GFRA1: variants seen among roughly 807,000 people sequenced by gnomAD.
GFRA1 encodes the protein GDNF family receptor alpha 1, also known as GDNF family receptor alpha-1.
Under a neutral mutation model 51.6 loss-of-function variants are expected in GFRA1, and 16 were observed. That is an observed-to-expected ratio of 0.31 (90% confidence interval 0.21 to 0.47). GFRA1 has a LOEUF of 0.47. GFRA1 is among the 20% of genes least tolerant of loss of function. The pLI is 1.00. For missense variants in GFRA1, 530 were observed against 594.3 expected, an observed-to-expected ratio of 0.89 and a Z score of 1.13; for synonymous variants, 270 against 241.3, an observed-to-expected ratio of 1.12 and a Z score of -1.10.
Position 116,165,665 on chromosome 10 carries a change from T to TCACACA in GFRA1, c.434-40114_434-40109dup, listed in dbSNP as rs56684075. On this transcript the variant is annotated intron_variant, in intron 5 of 10. Coordinates refer to ENST00000355422, the MANE Select transcript of GFRA1 (RefSeq NM_005264.8). ...CTTTCATGTGCTCTTTCTCTCACTCTCACACACACACACACACACACACTC... is the reference window on the plus strand; with the variant it reads ...CTTTCATGTGCTCTTTCTCTCACTCTCACACACACACACACACACACACACACACTC... 5.2e-3 allele frequency among the ~76,000 whole-genome samples: 774 copies of TCACACA among 149,338 alleles called. 4 individuals are homozygous for TCACACA. Among genetic ancestry groups the TCACACA allele is most frequent in the East Asian group, 0.015 (76 of 5,038 alleles).
At chr10:116,120,751 A>G (rs1041708900) in intron 6 of GFRA1, among the ~76,000 whole-genome samples, 10 of 152,218 alleles carry the variant, frequency 6.6e-5, no homozygotes, top group African/African-American at 2.4e-4. Flanking sequence ...CATGCTTTGG[A>G]AACAATGGCT....
chr10:116,145,915 C>A (rs1282567745), intron 5 of GFRA1, among the ~76,000 whole-genome samples: 1 of 152,030 alleles, frequency 6.6e-6, no homozygotes, highest in Non-Finnish European at 1.5e-5. Flanking sequence ...ATGGATAAAT[C>A]TCAAAACAAT....
intron 4 of GFRA1, among the ~76,000 whole-genome samples, chr10:116,252,963 G>C (rs982668870): frequency 2.6e-5 from 4 of 152,244 alleles, no homozygotes; most frequent in African/African-American, 7.2e-5. Context: ...TGCACCCCCC[G>C]GCCAATATAA....
chr10:116,115,574 C>T (rs939282099), intron 6 of GFRA1, among the ~76,000 whole-genome samples: 1 of 151,976 alleles, frequency 6.6e-6, no homozygotes, highest in African/African-American at 2.4e-5. Flanking sequence ...TCCTTAAATA[C>T]AGCCAGCCTG....
In GFRA1 at chr10:116,168,144, ATT is replaced by A. The variant is rs35559235; in HGVS notation, c.434-42589_434-42588del. 4.8e-3 allele frequency among the ~76,000 whole-genome samples: 703 copies of A among 145,148 alleles called. 1 individual carries two copies. Among genetic ancestry groups the A allele is most frequent in the East Asian group, 8.2e-3 (40 of 4,900 alleles). On this transcript the variant is annotated intron_variant, in intron 5 of 10. Transcript: ENST00000355422. Reference sequence around the variant, plus strand: ...GGTTCAAACCTTCAAAAACCAGGGAATTTTTTTTTTTTTTTTTAGGTCAGACA... The same window carrying A: ...GGTTCAAACCTTCAAAAACCAGGGAATTTTTTTTTTTTTTTAGGTCAGACA...
chr10:116,089,564 T>A lies in GFRA1; in HGVS notation c.1197+177A>T, dbSNP rs74822828. 3.8e-3 allele frequency among the ~76,000 whole-genome samples: 584 copies of A among 152,352 alleles called. 5 individuals are homozygous for A. The highest frequency in any genetic ancestry group is 0.014 in the African/African-American group (572 of 41,584). ...GTCAGTTCCATAGTCGGACTTTCTC[T>A]GCACTATACGACAGGTCACAATCTT... On this transcript the variant is annotated intron_variant, in intron 9 of 10. Coordinates refer to ENST00000355422, the MANE Select transcript of GFRA1 (RefSeq NM_005264.8).
chr10:116,065,273 GTA>G (rs1368882969), intron 10 of GFRA1, among the ~76,000 whole-genome samples: 1 of 152,218 alleles, frequency 6.6e-6, no homozygotes, highest in Non-Finnish European at 1.5e-5. Context: ...GATTTGCTAT[GTA>G]TCGTCTCTGT....
chr10:116,069,681 C>T (rs17094039), intron 9 of GFRA1, among the ~76,000 whole-genome samples: 5,594 of 152,300 alleles, frequency 0.037, 343 homozygotes, highest in African/African-American at 0.13. Context: ...CCTCTGTTAC[C>T]TGGAGTCAGA....
intron 7 of GFRA1, among the ~76,000 whole-genome samples, chr10:116,095,797 AG>A (rs1293416460): frequency 1.3e-5 from 2 of 152,200 alleles, no homozygotes; most frequent in Admixed American, 6.5e-5. Flanking sequence ...GACAGCCGGC[AG>A]GAACACACAC....
intron 4 of GFRA1, among the ~76,000 whole-genome samples, chr10:116,214,487 C>T (rs181127858): frequency 2.6e-5 from 4 of 152,266 alleles, no homozygotes; most frequent in Non-Finnish European, 4.4e-5. Flanking sequence ...GAAACTGAGT[C>T]CCAGACAGTT....
At chr10:116,179,881 T>C (rs75188778) in intron 5 of GFRA1, among the ~76,000 whole-genome samples, 4,891 of 152,202 alleles carry the variant, frequency 0.032, 69 homozygotes, top group African/African-American at 0.043. Context: ...AGGTGCAAAT[T>C]CTAGAGTTTC....
At chr10:116,245,518 G>A (rs1276523660) in intron 4 of GFRA1, among the ~76,000 whole-genome samples, 1 of 152,186 alleles carries the variant, frequency 6.6e-6, no homozygotes, top group African/African-American at 2.4e-5. Flanking sequence ...AAGACAGTTT[G>A]GACAGTTTTT....
intron 4 of GFRA1, among the ~76,000 whole-genome samples, chr10:116,246,889 A>G (rs191556245): frequency 1.4e-4 from 22 of 152,346 alleles, no homozygotes; most frequent in Admixed American, 7.2e-4. Flanking sequence ...AATTTCCTCG[A>G]TATGCACAGA....
intron 6 of GFRA1, among the ~76,000 whole-genome samples, chr10:116,101,862 C>T (rs1195195638): frequency 1.3e-5 from 2 of 152,100 alleles, no homozygotes; most frequent in Non-Finnish European, 2.9e-5. Flanking sequence ...GAGTGCGTTG[C>T]TTCATGTTTA....
At chr10:116,243,496 AAAAAGAGAAAAAG>A (rs1319844106) in intron 4 of GFRA1, among the ~76,000 whole-genome samples, 1 of 141,048 alleles carries the variant, frequency 7.1e-6, no homozygotes, top group Non-Finnish European at 1.5e-5. Flanking sequence ...CTGCCCCCCA[AAAAAGAGAAAAAG>A]AAAAGAAAAA....
chr10:116,205,598 TATATATATATATATATATATATATATA>T (rs1565650286), intron 5 of GFRA1, among the ~76,000 whole-genome samples: 301 of 3,620 alleles, frequency 0.083, 4 homozygotes, highest in African/African-American at 0.31. Flanking sequence ...AAAAAAAAGA[TATATATATATATATATATATATATATA>T]TTCTTTAAAA....
chr10:116,260,140 C>T (rs898424969), intron 4 of GFRA1, among the ~76,000 whole-genome samples: 5 of 152,170 alleles, frequency 3.3e-5, no homozygotes, highest in Admixed American at 2.6e-4. Flanking sequence ...TATGCTAATG[C>T]GTGGATGGGG....
At chr10:116,107,173 C>T (rs1231844416) in intron 6 of GFRA1, among the ~76,000 whole-genome samples, 3 of 152,056 alleles carry the variant, frequency 2.0e-5, no homozygotes, top group East Asian at 1.9e-4. Context: ...GATAATAAGT[C>T]CCTCAAAATG....
chr10:116,237,379 G>A (rs915582794), intron 4 of GFRA1, among the ~76,000 whole-genome samples: 2 of 152,068 alleles, frequency 1.3e-5, no homozygotes, highest in Non-Finnish European at 2.9e-5. Context: ...AGAAAAATGA[G>A]GCTCAGAGAG....
Sources: allele counts gnomAD v4.1 joint callset (sites outside exome capture counted in the v4.1 genomes callset), GRCh38; gene constraint gnomAD v4.1.1; transcripts MANE v1.5; gene names NCBI Gene and HGNC (gene_info 2026-07-23, HGNC 2026-07-21).